The following HAUS5 variants were observed in gnomAD, a reference collection of about 807,000 sequenced individuals.
HAUS5 encodes HAUS augmin like complex subunit 5.
A neutral mutation model predicts 94.1 loss-of-function variants in HAUS5; 67 were observed. That is an observed-to-expected ratio of 0.71 (90% CI 0.58 to 0.87). HAUS5 has a LOEUF of 0.87. Ranked by LOEUF, HAUS5 falls within the 40% of genes least tolerant of loss-of-function variation. The pLI is 0.00. For synonymous variants in HAUS5, 339 were observed against 355.4 expected (o/e 0.95, Z 0.52); for missense variants, 739 against 825.6 (o/e 0.90, Z 1.29).
Position 35,618,208 on chromosome 19 carries a change from G to A in HAUS5, c.821+13G>A, listed in dbSNP as rs757265956. ...CAGAGATATCCAGGTGTGGGGCAGGGTATTCTCACAGTTGGGGAAGGCCAT... is the reference window on the plus strand; with the variant it reads ...CAGAGATATCCAGGTGTGGGGCAGGATATTCTCACAGTTGGGGAAGGCCAT... On this transcript the variant is annotated intron_variant, in intron 10 of 18. Transcript: ENST00000203166. 3.1e-6 allele frequency: 5 copies of A among 1,596,674 alleles called. 1 individual carries two copies. Among genetic ancestry groups the A allele is most frequent in the South Asian group, 2.2e-5 (2 of 88,918 alleles).
At chr19:35,620,149 T>C (rs978690176) in intron 16 of HAUS5, 26 bp downstream of exon 16, 18 of 1,611,276 alleles carry the variant, frequency 1.1e-5, no homozygotes, top group Non-Finnish European at 1.5e-5. Context: ...CTGTGACTTG[T>C]CTCCCCAGCC....
At chr19:35,617,091 G>T in intron 6 of HAUS5, 33 bp from the exon 7 acceptor site, 1 of 1,588,460 alleles carries the variant, frequency 6.3e-7, no homozygotes, top group Non-Finnish European at 8.6e-7. Flanking sequence ...GTTCTCCCAG[G>T]GACCCCAGCC....
rs558305993 is a variant in HAUS5 at position 35,612,741 on chromosome 19, G to A, written c.-54G>A. The stretch of plus-strand genomic sequence containing the variant: ...TTGGCGCGCCCGTGACGTCAGAGGC[G>A]GGCGCCACACTTGAAGAGGCTGAGG... On this transcript the variant is annotated 5_prime_UTR_variant, in exon 1 of 19. Coordinates refer to ENST00000203166, the MANE Select transcript of HAUS5 (RefSeq NM_015302.2). 6.8e-6 allele frequency: 9 copies of A among 1,328,568 alleles called. No homozygotes were observed. In the East Asian group the frequency reaches 2.2e-4, roughly 32 times the overall value. 82.3% of individuals were successfully genotyped at this position (1,328,568 alleles called of 1,614,324 possible).
In HAUS5 at chr19:35,623,951, A is replaced by C. The variant is rs1007975538; in HGVS notation, c.*958A>C. 4 of 152,090 alleles carry C rather than the reference A, an allele frequency of 2.6e-5. No homozygotes were observed. Among genetic ancestry groups the C allele is most frequent in the African/African-American group, 9.7e-5 (4 of 41,400 alleles). 9.4% of individuals were successfully genotyped at this position (152,090 alleles called of 1,614,324 possible). Reference sequence around the variant, plus strand: ...AAAGCCCTTACACTTTTGAGATGCCACCTTTTTATGCACTAAATTTCCATG... The same window carrying C: ...AAAGCCCTTACACTTTTGAGATGCCCCCTTTTTATGCACTAAATTTCCATG... On this transcript the variant is annotated 3_prime_UTR_variant, in exon 19 of 19. Coordinates refer to ENST00000203166, the MANE Select transcript of HAUS5 (RefSeq NM_015302.2).
At chr19:35,613,590 A>AG in intron 1 of HAUS5, 140 bp from the exon 2 acceptor site, 1 of 604,866 alleles carries the variant, frequency 1.7e-6, no homozygotes, top group African/African-American at 1.9e-5. Context: ...AAAAAAAAAA[A>AG]GGCAAAAAAA....
At chr19:35,614,360 G>A (rs568770148) in intron 4 of HAUS5, 63 of 421,592 alleles carry the variant, frequency 1.5e-4, no homozygotes, top group Non-Finnish European at 2.2e-4. Context: ...TTTGGGAGGC[G>A]GATCACCTGA....
chr19:35,620,080 G>C lies in HAUS5; in HGVS notation c.1475G>C (p.Ser492Thr). ...CACCCCGCGTCCCCAAGGGGCTCCAGCTTCATAGCGCTGAGCCACAAGCTG... is the reference window on the plus strand; with the variant it reads ...CACCCCGCGTCCCCAAGGGGCTCCACCTTCATAGCGCTGAGCCACAAGCTG... ...QLHPASPRGSSFIALSHKLGL... is the reference protein window; with the variant it reads ...QLHPASPRGSTFIALSHKLGL... The change falls in exon 16 of 19, where the codon AGC becomes ACC. Residue 492 changes from serine to threonine, a missense_variant. Coordinates refer to ENST00000203166, the MANE Select transcript of HAUS5 (RefSeq NM_015302.2). 1 of 1,613,876 alleles carries C rather than the reference G, an allele frequency of 6.2e-7. No individual in the cohort carries two copies. The highest frequency in any genetic ancestry group is 1.1e-5 in the South Asian group (1 of 91,064).
rs371815199 is a variant in HAUS5 at position 35,618,984 on chromosome 19, C to T, written c.1114C>T (p.Arg372Trp). The T allele has an allele frequency of 5.0e-6, 8 of 1,612,902 alleles. No homozygotes were observed. The highest frequency in any genetic ancestry group is 1.7e-5 in the Admixed American group (1 of 59,824). Residue 372 changes from arginine (R) to tryptophan (W), a missense_variant, in exon 13 of 19, where the codon CGG becomes TGG. Physicochemically the swap from Arg to Trp is moderately radical, Grantham distance 101 (BLOSUM62 -3). Coordinates refer to ENST00000203166, the MANE Select transcript of HAUS5 (RefSeq NM_015302.2). ...GGAGCTGCAGGATGCAGCTGGGCAT[C>T]GGCAGCTCCTGCTGAGGGAGCTACA... ...SQELQDAAGH[R>W]QLLLRELQAK...
In HAUS5 at chr19:35,615,328, C is replaced by T. The variant is rs773532005; in HGVS notation, c.427C>T (p.Leu143Phe). ...AGAMRRQQHT[L>F]RDPMQRLQNQ... Reference sequence around the variant, plus strand: ...GGCCATGCGAAGACAGCAGCATACGCTCCGAGATCCCATGCAGCGGCTGCA... The same window carrying T: ...GGCCATGCGAAGACAGCAGCATACGTTCCGAGATCCCATGCAGCGGCTGCA... Residue 143 changes from leucine to phenylalanine, a missense_variant, in exon 6 of 19, where the codon CTC becomes TTC. Coordinates refer to ENST00000203166, the MANE Select transcript of HAUS5 (RefSeq NM_015302.2). 1.2e-6 allele frequency: 2 copies of T among 1,613,212 alleles called. No homozygotes were observed. The highest frequency in any genetic ancestry group is 1.7e-5 in the Admixed American group (1 of 59,934).
At chr19:35,617,825 C>T (rs16970586) in intron 8 of HAUS5, 30 bp from the exon 9 acceptor site, 36,540 of 1,599,956 alleles carry the variant, frequency 0.023, 541 homozygotes, top group South Asian at 0.048. Context: ...TGTCTTGTAA[C>T]GTTCTCTGTC....
intron 4 of HAUS5, 62 bp from the exon 5 acceptor site, chr19:35,614,980 C>G (rs910562518): frequency 1.5e-6 from 2 of 1,309,134 alleles, no homozygotes; most frequent in Non-Finnish European, 2.1e-6. Context: ...CCTGGTACCC[C>G]CAAAAGACAG....
intron 1 of HAUS5, 152 bp from the exon 2 acceptor site, chr19:35,613,570 TAAAAAAAA>T (rs34133946): frequency 1.8e-5 from 9 of 499,836 alleles, no homozygotes; most frequent in East Asian, 1.0e-4. Context: ...GACTGTCTCT[TAAAAAAAA>T]AAAAAAAAAA....
intron 6 of HAUS5, 52 bp from the exon 7 acceptor site, chr19:35,617,072 C>A: frequency 6.8e-7 from 1 of 1,469,414 alleles, no homozygotes; most frequent in Non-Finnish European, 9.5e-7. Context: ...AGATGGGGCA[C>A]AGACATCTGT....
chr19:35,622,450 C>A, intron 17 of HAUS5, 151 bp from the exon 18 acceptor site: 1 of 752,594 alleles, frequency 1.3e-6, no homozygotes, highest in Non-Finnish European at 2.1e-6. Flanking sequence ...AAGGGGACTT[C>A]CAGGCTGGGA....
At chr19:35,614,126 C>A in intron 4 of HAUS5, 67 bp downstream of exon 4, 1 of 1,413,756 alleles carries the variant, frequency 7.1e-7, no homozygotes, top group Non-Finnish European at 1.0e-6. Flanking sequence ...CTGCTCTAAG[C>A]CCAACCAGGT....
chr19:35,612,957 C>A, intron 1 of HAUS5, 65 bp downstream of exon 1: 1 of 1,137,874 alleles, frequency 8.8e-7, no homozygotes, highest in Non-Finnish European at 1.2e-6. Flanking sequence ...AGTGAGAACT[C>A]CACCCCTCAT....
At chr19:35,616,707 G>A (rs192363462) in intron 6 of HAUS5, among the ~76,000 whole-genome samples, 2 of 152,058 alleles carry the variant, frequency 1.3e-5, no homozygotes, top group Non-Finnish European at 2.9e-5. Flanking sequence ...TAGTAGAGAC[G>A]GGGTTTCACC....
In HAUS5 at chr19:35,612,858, G is replaced by A. The variant is rs955950048; in HGVS notation, c.64G>A (p.Val22Met). Residue 22 changes from valine to methionine, a missense_variant, in exon 1 of 19, where the codon GTG becomes ATG. Val to Met is a conservative substitution (Grantham distance 21). Coordinates refer to ENST00000203166, the MANE Select transcript of HAUS5 (RefSeq NM_015302.2). ...CWAVEEMGVP[V>M]AARAPESTLR... ...GGCGGTCGAAGAGATGGGGGTGCCC[G>A]TGGCGGCCCGGGCCCCGGAATCGAC... 1.9e-6 allele frequency: 3 copies of A among 1,546,896 alleles called. No individual in the cohort carries two copies. The highest frequency in any genetic ancestry group is 4.0e-5 in the Admixed American group (2 of 49,962).
In HAUS5 at chr19:35,619,597, C is replaced by CCACCCAAA; in HGVS notation, c.1261-16_1261-15insCACCCAAA. 1 of 1,557,680 alleles carries CCACCCAAA rather than the reference C, an allele frequency of 6.4e-7. No individual in the cohort carries two copies. Among genetic ancestry groups the CCACCCAAA allele is most frequent in the Admixed American group, 1.8e-5 (1 of 55,506 alleles). ...TGATGTTGTGATGCCCCACCCACCC[C>CCACCCAAA]TCCCCTTCCCCACAGGTGCTAGCTC... On this transcript the variant is annotated splice_polypyrimidine_tract_variant and intron_variant, in intron 14 of 18. Coordinates refer to ENST00000203166, the MANE Select transcript of HAUS5 (RefSeq NM_015302.2).
Sources: gnomAD v4.1 joint callset for allele counts (sites outside exome capture counted in the v4.1 genomes callset) on GRCh38, gnomAD v4.1.1 for gene constraint, MANE v1.5 for transcripts, NCBI Gene and HGNC (gene_info 2026-07-23, HGNC 2026-07-21) for gene names.